WWOX: variants seen among roughly 807,000 people sequenced by gnomAD.
The protein encoded by WWOX is WW domain-containing oxidoreductase.
In WWOX, 69 loss-of-function variants were observed where a neutral mutation model predicts 46.2. The observed-to-expected ratio is 1.49, with a 90% confidence interval of 1.23 to 1.82. WWOX has a LOEUF of 1.82. Ranked by LOEUF, WWOX falls within the 40% of genes most tolerant of loss-of-function variation. The pLI is 0.00. For missense variants in WWOX, 919 were observed against 542.6 expected, an observed-to-expected ratio of 1.69 and a Z score of -6.89; for synonymous variants, 359 against 202.6, an observed-to-expected ratio of 1.77 and a Z score of -6.56.
intron 4 of WWOX, among the ~76,000 whole-genome samples, chr16:78,157,798 T>G (rs971854388): frequency 3.3e-5 from 5 of 152,234 alleles, no homozygotes; most frequent in Non-Finnish European, 7.3e-5. Context: ...TTACCATTGG[T>G]AGCACATCTA....
At position 78,658,910 on chromosome 16, in the gene WWOX, G is replaced by A. The variant is rs1180692247; in HGVS notation, c.1056+226158G>A. ...AGTTTGAGACCAGCCTGGCCAAAAT[G>A]GCAAAACCCCTTCTCTATTAAAAAT... On this transcript the variant is annotated intron_variant, in intron 8 of 8. Coordinates refer to ENST00000566780, the MANE Select transcript of WWOX (RefSeq NM_016373.4). Among the ~76,000 whole-genome samples the A allele has an allele frequency of 7.9e-5, 10 of 127,154 alleles. No homozygotes were observed. In the South Asian group the frequency reaches 2.6e-3, roughly 33 times the overall value. The allele number at this position is 127,154 out of a possible 152,430, so 83.4% of individuals were successfully genotyped here.
intron 8 of WWOX, among the ~76,000 whole-genome samples, chr16:78,843,349 A>T (rs757915994): frequency 1.3e-5 from 2 of 150,134 alleles, no homozygotes; most frequent in South Asian, 2.2e-4. Flanking sequence ...GCCATGTCCA[A>T]CCCAATCTGG....
At chr16:78,271,811 A>C (rs995560569) in intron 5 of WWOX, among the ~76,000 whole-genome samples, 1 of 152,288 alleles carries the variant, frequency 6.6e-6, no homozygotes, top group Non-Finnish European at 1.5e-5. Context: ...CTAACAAGGG[A>C]ATATGTGAGG....
intron 8 of WWOX, among the ~76,000 whole-genome samples, chr16:78,812,799 A>G (rs2051225492): frequency 6.6e-6 from 1 of 152,166 alleles, no homozygotes; most frequent in Non-Finnish European, 1.5e-5. Context: ...CAAGCCCCAT[A>G]AACTAAAGAC....
chr16:78,733,920 G>A (rs2049023865), intron 8 of WWOX, among the ~76,000 whole-genome samples: 1 of 151,614 alleles, frequency 6.6e-6, no homozygotes, highest in Admixed American at 6.6e-5. Flanking sequence ...AAAACAGCTA[G>A]GCATAGAGGC....
intron 7 of WWOX, among the ~76,000 whole-genome samples, chr16:78,427,152 C>G (rs1245526262): frequency 3.9e-5 from 6 of 152,148 alleles, no homozygotes; most frequent in Admixed American, 3.9e-4. Context: ...AATGCAAGTG[C>G]TGATATCTAA....
At chr16:78,680,408 C>A (rs1351619697) in intron 8 of WWOX, among the ~76,000 whole-genome samples, 1 of 152,042 alleles carries the variant, frequency 6.6e-6, no homozygotes, top group African/African-American at 2.4e-5. Flanking sequence ...GTGTCACGTG[C>A]CTGTAGTCCT....
intron 8 of WWOX, among the ~76,000 whole-genome samples, chr16:78,496,823 C>A (rs1386580066): frequency 6.6e-6 from 1 of 152,216 alleles, no homozygotes; most frequent in African/African-American, 2.4e-5. Flanking sequence ...GGAGAAGTCA[C>A]TCCAACTTTC....
intron 8 of WWOX, among the ~76,000 whole-genome samples, chr16:78,783,873 TGAC>T (rs1259915815): frequency 4.8e-5 from 5 of 104,622 alleles, no homozygotes; most frequent in Admixed American, 1.0e-4. Context: ...ATGATGGTGA[TGAC>T]GATGATAATG....
At chr16:78,819,776 A>G (rs946550893) in intron 8 of WWOX, among the ~76,000 whole-genome samples, 27 of 152,228 alleles carry the variant, frequency 1.8e-4, no homozygotes, top group African/African-American at 6.3e-4. Context: ...ACAAGCTCAC[A>G]GCATTTTCAT....
chr16:78,528,783 T>G (rs1424108764), intron 8 of WWOX, among the ~76,000 whole-genome samples: 5 of 152,194 alleles, frequency 3.3e-5, no homozygotes, highest in Non-Finnish European at 7.3e-5. Flanking sequence ...TATTTGTTTT[T>G]CAGTGGCTGG....
intron 4 of WWOX, among the ~76,000 whole-genome samples, chr16:78,150,039 C>T (rs977145520): frequency 7.2e-5 from 11 of 152,200 alleles, no homozygotes; most frequent in Admixed American, 7.2e-4. Flanking sequence ...TGGTTGAGGG[C>T]TCAGTCCTAC....
intron 5 of WWOX, among the ~76,000 whole-genome samples, chr16:78,199,254 A>T (rs1009649484): frequency 6.6e-6 from 1 of 152,176 alleles, no homozygotes; most frequent in South Asian, 2.1e-4. Context: ...CGGAGGTTGC[A>T]GTGAGCCCAG....
At chr16:79,088,366 A>G (rs1175318532) in intron 8 of WWOX, among the ~76,000 whole-genome samples, 1 of 152,150 alleles carries the variant, frequency 6.6e-6, no homozygotes, top group Non-Finnish European at 1.5e-5. Context: ...TTGCAGCTGG[A>G]GTTGCTCCCC....
chr16:79,031,946 C>CTG (rs2047769697), intron 8 of WWOX, among the ~76,000 whole-genome samples: 1 of 138,466 alleles, frequency 7.2e-6, no homozygotes, highest in South Asian at 2.2e-4. Context: ...ATACAGATAT[C>CTG]TGTATATATA....
chr16:78,665,723 C>A (rs945539000), intron 8 of WWOX, among the ~76,000 whole-genome samples: 1 of 152,096 alleles, frequency 6.6e-6, no homozygotes, highest in Non-Finnish European at 1.5e-5. Flanking sequence ...CTTGCTCTGT[C>A]GCCCAGGCTG....
intron 8 of WWOX, among the ~76,000 whole-genome samples, chr16:78,635,897 A>G (rs766943360): frequency 2.0e-5 from 3 of 152,184 alleles, no homozygotes; most frequent in Non-Finnish European, 4.4e-5. Context: ...AAACCAGGAC[A>G]CAGAGAAAAG....
chr16:79,051,594 C>G (rs973253880), intron 8 of WWOX, among the ~76,000 whole-genome samples: 2 of 152,182 alleles, frequency 1.3e-5, no homozygotes, highest in Admixed American at 1.3e-4. Context: ...GGAGCGTCAA[C>G]ATTAGTGAAC....
chr16:78,231,222 A>T (rs1387569017), intron 5 of WWOX, among the ~76,000 whole-genome samples: 2 of 152,172 alleles, frequency 1.3e-5, no homozygotes, highest in Non-Finnish European at 2.9e-5. Flanking sequence ...AACTCTTTCA[A>T]AGCCTTTTGC....
Sources: gnomAD v4.1 joint callset for allele counts (sites outside exome capture counted in the v4.1 genomes callset) on GRCh38, gnomAD v4.1.1 for gene constraint, MANE v1.5 for transcripts, NCBI Gene and HGNC (gene_info 2026-07-23, HGNC 2026-07-21) for gene names.